Variants in CEP112 observed in about 807,000 individuals in gnomAD.
CEP112 encodes centrosomal protein of 112 kDa.
Under a neutral mutation model 153.0 loss-of-function variants are expected in CEP112, and 127 were observed. The ratio of observed to expected loss-of-function variants is 0.83; its 90% confidence interval spans 0.72 to 0.96. The LOEUF is 0.96. CEP112 is among the 40% of genes least tolerant of loss of function. The pLI is 0.00. For missense variants in CEP112, 1,089 were observed against 1,101.2 expected (o/e 0.99, Z 0.16); for synonymous variants, 358 against 374.4 (o/e 0.96, Z 0.51).
At chr17:65,921,396 TCAGGGGAAACACTGTTA>T (rs2060722374) in intron 19 of CEP112, among the ~76,000 whole-genome samples, 1 of 151,930 alleles carries the variant, frequency 6.6e-6, no homozygotes, top group African/African-American at 2.4e-5. Flanking sequence ...TTTGGAGTGG[TCAGGGGAAACACTGTTA>T]CAGTTAACAG....
chr17:66,083,295 T>C (rs192378189), intron 8 of CEP112, among the ~76,000 whole-genome samples: 3 of 152,250 alleles, frequency 2.0e-5, no homozygotes, highest in Non-Finnish European at 2.9e-5. Flanking sequence ...AAGATGTGCT[T>C]TTGCTCCTCT....
At chr17:65,952,530 G>A (rs930808596) in intron 18 of CEP112, among the ~76,000 whole-genome samples, 17 of 152,022 alleles carry the variant, frequency 1.1e-4, no homozygotes, top group African/African-American at 4.1e-4. Context: ...GGAATATTTT[G>A]GTTGCCCAAG....
chr17:65,821,534 ATATATATTTTTTTTTTT>A (rs1360974477), intron 21 of CEP112, among the ~76,000 whole-genome samples: 11 of 32,702 alleles, frequency 3.4e-4, no homozygotes, highest in African/African-American at 3.9e-4. Context: ...ATATATATAT[ATATATATTTTTTTTTTT>A]TTTTTTTTTT....
At chr17:65,763,124 C>T (rs6504347) in intron 21 of CEP112, among the ~76,000 whole-genome samples, 2,550 of 151,994 alleles carry the variant, frequency 0.017, 35 homozygotes, top group African/African-American at 0.031. Context: ...TGAGATTGTT[C>T]ACTTCTCTCT....
intron 10 of CEP112, among the ~76,000 whole-genome samples, chr17:66,066,254 T>C (rs1476998391): frequency 6.6e-6 from 1 of 152,208 alleles, no homozygotes; most frequent in Non-Finnish European, 1.5e-5. Context: ...GATTACATGC[T>C]TTCTTTTCCT....
At chr17:65,645,977 G>C (rs1322957739) in intron 24 of CEP112, among the ~76,000 whole-genome samples, 2 of 152,062 alleles carry the variant, frequency 1.3e-5, no homozygotes, top group Admixed American at 6.5e-5. Flanking sequence ...TTGCTCTGGG[G>C]GCCTATGTCC....
At chr17:65,959,693 C>T (rs1193822788) in intron 18 of CEP112, among the ~76,000 whole-genome samples, 3 of 152,202 alleles carry the variant, frequency 2.0e-5, no homozygotes, top group African/African-American at 7.2e-5. Context: ...GTTGTGGAAG[C>T]TGCTTGCAGT....
intron 23 of CEP112, among the ~76,000 whole-genome samples, chr17:65,702,778 G>C (rs1489306868): frequency 6.6e-6 from 1 of 152,160 alleles, no homozygotes; most frequent in African/African-American, 2.4e-5. Context: ...GGTGAATGAG[G>C]AGCAAAGGCA....
intron 21 of CEP112, among the ~76,000 whole-genome samples, chr17:65,760,319 A>G (rs2052536212): frequency 6.6e-6 from 1 of 152,138 alleles, no homozygotes; most frequent in African/African-American, 2.4e-5. Context: ...GAGGGGAATC[A>G]CAATCAATGC....
intron 23 of CEP112, among the ~76,000 whole-genome samples, chr17:65,740,646 G>A (rs2051075428): frequency 6.6e-6 from 1 of 152,142 alleles, no homozygotes. Flanking sequence ...CTTGAAAGAG[G>A]TCAGTTCATC....
intron 20 of CEP112, among the ~76,000 whole-genome samples, chr17:65,863,021 T>C (rs2058358862): frequency 2.0e-5 from 3 of 152,110 alleles, no homozygotes. Flanking sequence ...TTAGTAGTTC[T>C]AGTAGGCATT....
At chr17:65,762,380 C>T (rs2052666687) in intron 21 of CEP112, among the ~76,000 whole-genome samples, 1 of 151,950 alleles carries the variant, frequency 6.6e-6, no homozygotes, top group Non-Finnish European at 1.5e-5. Context: ...TTTTGATCCA[C>T]TCTGACAATC....
intron 4 of CEP112, among the ~76,000 whole-genome samples, chr17:66,140,674 C>T (rs1291873429): frequency 2.6e-5 from 4 of 152,064 alleles, no homozygotes; most frequent in Admixed American, 1.3e-4. Context: ...GTTATTTTTG[C>T]TCTTGTTGCC....
chr17:66,142,495 A>AC (rs1555810046), intron 4 of CEP112, among the ~76,000 whole-genome samples: 4 of 152,154 alleles, frequency 2.6e-5, no homozygotes, highest in Non-Finnish European at 5.9e-5. Flanking sequence ...CTTATGTTTA[A>AC]GTCTTTAACG....
intron 17 of CEP112, among the ~76,000 whole-genome samples, chr17:65,993,424 T>C (rs767075570): frequency 1.3e-5 from 2 of 152,198 alleles, no homozygotes; most frequent in Non-Finnish European, 2.9e-5. Context: ...ATCTTTGTAA[T>C]AGAATGATTT....
At chr17:65,746,622 T>C (rs1364256337) in intron 22 of CEP112, among the ~76,000 whole-genome samples, 1 of 152,208 alleles carries the variant, frequency 6.6e-6, no homozygotes, top group Non-Finnish European at 1.5e-5. Context: ...ATGGACTACT[T>C]TCTCCTTAGC....
chr17:65,910,215 C>T lies in CEP112; in HGVS notation c.1981-7881G>A, dbSNP rs983658230. 4.6e-5 allele frequency among the ~76,000 whole-genome samples: 7 copies of T among 152,224 alleles called. 1 individual carries two copies. The highest frequency in any genetic ancestry group is 3.9e-4 in the East Asian group (2 of 5,176). On this transcript the variant is annotated intron_variant, in intron 19 of 26. Coordinates refer to ENST00000535342, the MANE Select transcript of CEP112 (RefSeq NM_001199165.4). Reference sequence around the variant, plus strand: ...AAGCTCTTTTTCTCCATCCCTATCACGATCTCATAAAAAAGTAAAGGCAAT... The same window carrying T: ...AAGCTCTTTTTCTCCATCCCTATCATGATCTCATAAAAAAGTAAAGGCAAT...
intron 21 of CEP112, among the ~76,000 whole-genome samples, chr17:65,822,885 A>C (rs2056657621): frequency 6.6e-6 from 1 of 152,152 alleles, no homozygotes; most frequent in South Asian, 2.1e-4. Flanking sequence ...TTAATAAATG[A>C]GTTTAGAAAG....
At chr17:66,098,082 T>C (rs2068421249) in intron 6 of CEP112, among the ~76,000 whole-genome samples, 2 of 152,356 alleles carry the variant, frequency 1.3e-5, no homozygotes, top group South Asian at 4.1e-4. Flanking sequence ...TCACTGAGTT[T>C]TGGCAATTAA....
Sources: allele counts gnomAD v4.1 joint callset (sites outside exome capture counted in the v4.1 genomes callset), GRCh38; gene constraint gnomAD v4.1.1; transcripts MANE v1.5; gene names NCBI Gene and HGNC (gene_info 2026-07-23, HGNC 2026-07-21).